Variants in ASIC2 observed in about 807,000 individuals in gnomAD.
ASIC2 encodes acid sensing ion channel subunit 2, also known as acid-sensing ion channel 2.
A neutral mutation model predicts 57.3 loss-of-function variants in ASIC2; 25 were observed. That is an observed-to-expected ratio of 0.44 (90% CI 0.32 to 0.61). The LOEUF is 0.61. Among genes scored for constraint, ASIC2 ranks in the 20% least tolerant of loss-of-function variants. The pLI is 0.06. For missense variants in ASIC2, 641 were observed against 738.1 expected (o/e 0.87, Z 1.52); for synonymous variants, 319 against 307.5 (o/e 1.04, Z -0.39).
intron 1 of ASIC2, among the ~76,000 whole-genome samples, chr17:33,615,658 C>T: frequency 6.6e-6 from 1 of 152,116 alleles, no homozygotes. Context: ...TAAGCGTGTG[C>T]CATGGTGGTT....
At chr17:33,700,388 C>T (rs1198467428) in intron 1 of ASIC2, among the ~76,000 whole-genome samples, 1 of 152,168 alleles carries the variant, frequency 6.6e-6, no homozygotes, top group Non-Finnish European at 1.5e-5. Flanking sequence ...AGATCCCTAG[C>T]TGGAATACCC....
intron 1 of ASIC2, among the ~76,000 whole-genome samples, chr17:33,551,365 C>T (rs1458305319): frequency 6.6e-6 from 1 of 152,088 alleles, no homozygotes; most frequent in Non-Finnish European, 1.5e-5. Flanking sequence ...AGGACTCATT[C>T]TAGTCCAGGG....
At chr17:33,099,303 C>T (rs1392757016) in intron 2 of ASIC2, among the ~76,000 whole-genome samples, 1 of 152,100 alleles carries the variant, frequency 6.6e-6, no homozygotes, top group Non-Finnish European at 1.5e-5. Flanking sequence ...AGTCATGAGC[C>T]ACCGCACCCA....
chr17:33,642,220 C>CCA (rs755026912), intron 1 of ASIC2, among the ~76,000 whole-genome samples: 75 of 139,170 alleles, frequency 5.4e-4, no homozygotes, highest in Middle Eastern at 3.8e-3. Context: ...CCCCCCCCCC[C>CCA]CACACACAAT....
intron 1 of ASIC2, among the ~76,000 whole-genome samples, chr17:34,083,428 G>T (rs1328673249): frequency 6.6e-6 from 1 of 151,466 alleles, no homozygotes; most frequent in Admixed American, 6.6e-5. Flanking sequence ...ATCATTGTTG[G>T]ACATTTGGGT....
chr17:33,845,991 T>C (rs1032619431), intron 1 of ASIC2, among the ~76,000 whole-genome samples: 6 of 152,210 alleles, frequency 3.9e-5, no homozygotes, highest in Non-Finnish European at 4.4e-5. Flanking sequence ...GAGGGGACTT[T>C]GGAAAATTCA....
intron 1 of ASIC2, among the ~76,000 whole-genome samples, chr17:33,262,568 T>C (rs551267983): frequency 6.6e-6 from 1 of 152,252 alleles, no homozygotes; most frequent in South Asian, 2.1e-4. Context: ...CCCACTGTAT[T>C]CTGGGCCCCA....
chr17:33,876,394 A>T (rs1914546885), intron 1 of ASIC2, among the ~76,000 whole-genome samples: 1 of 152,200 alleles, frequency 6.6e-6, no homozygotes, highest in Non-Finnish European at 1.5e-5. Context: ...ACAAAACAAG[A>T]CTTCGAAGAT....
At chr17:33,107,670 C>T (rs1014127808) in intron 2 of ASIC2, among the ~76,000 whole-genome samples, 1 of 152,230 alleles carries the variant, frequency 6.6e-6, no homozygotes, top group Non-Finnish European at 1.5e-5. Context: ...ATTGTCTACT[C>T]ACTAACCATG....
intron 1 of ASIC2, among the ~76,000 whole-genome samples, chr17:33,947,028 T>C (rs138624974): frequency 6.6e-5 from 10 of 152,188 alleles, no homozygotes; most frequent in African/African-American, 2.4e-4. Flanking sequence ...CACTGAGTAA[T>C]AGAGGAGAAC....
rs141640345 is a variant in ASIC2, at chr17:33,798,827, G to GC, written c.555+357150dup. 2.0e-5 allele frequency among the ~76,000 whole-genome samples: 3 copies of GC among 152,258 alleles called. No homozygotes were observed. In the East Asian group the frequency reaches 5.8e-4, roughly 29 times the overall value. ...GGGATCAGGGCCACCAGCAATTTCT[G>GC]CTGTTTGCAATGGTCAGGGGAAAAT... On this transcript the variant is annotated intron_variant, in intron 1 of 9. Coordinates refer to the ASIC2 transcript ENST00000359872.
In ASIC2 at chr17:34,051,875, C is replaced by CGAGAGAGAGAGA. The variant is rs763796372; in HGVS notation, c.555+104102_555+104103insTCTCTCTCTCTC. 3 of 79,752 alleles carry CGAGAGAGAGAGA rather than the reference C, an allele frequency of 3.8e-5. No individual in the cohort carries two copies. The East Asian group carries it at 1.8e-3, about 48-fold the overall frequency. 4.9% of individuals were successfully genotyped at this position (79,752 alleles called of 1,614,324 possible). A position where few individuals can be genotyped will look rare whatever the true frequency, so the allele number is the denominator to read the frequency against. On this transcript the variant is annotated intron_variant, in intron 1 of 9. Coordinates refer to the ASIC2 transcript ENST00000359872. ...CACACACACAGAGAGAGAGAGAGAG[C>CGAGAGAGAGAGA]GAGAGAGCGAGAGAGCGAGAGAGTG... is the stretch of plus-strand genomic sequence containing the variant.
intron 1 of ASIC2, among the ~76,000 whole-genome samples, chr17:34,088,363 G>T (rs528654607): frequency 6.6e-6 from 1 of 151,828 alleles, no homozygotes; most frequent in Non-Finnish European, 1.5e-5. Flanking sequence ...GCGGTTTTTC[G>T]TGAACGGCGA....
At chr17:33,828,347 G>A (rs760244850) in intron 1 of ASIC2, 21 of 152,072 alleles carry the variant, frequency 1.4e-4, no homozygotes, top group Non-Finnish European at 2.2e-4. Context: ...GGGATGAGAG[G>A]GCCATGTGAC....
chr17:33,222,082 C>G (rs1907709137), intron 1 of ASIC2, among the ~76,000 whole-genome samples: 1 of 152,070 alleles, frequency 6.6e-6, no homozygotes, highest in Non-Finnish European at 1.5e-5. Context: ...TGGCTTGATA[C>G]CTGGGATGCT....
chr17:33,874,631 G>T (rs1219786144), intron 1 of ASIC2, among the ~76,000 whole-genome samples: 1 of 152,126 alleles, frequency 6.6e-6, no homozygotes, highest in Non-Finnish European at 1.5e-5. Context: ...GCTGCTAGAT[G>T]GTAACCCCTT....
intron 1 of ASIC2, among the ~76,000 whole-genome samples, chr17:33,351,399 C>T (rs145134582): frequency 1.6e-4 from 24 of 152,312 alleles, no homozygotes; most frequent in East Asian, 1.4e-3. Flanking sequence ...TCTTCTCATG[C>T]TGCCACATTA....
chr17:33,545,546 T>A lies in ASIC2; in HGVS notation c.556-433479A>T, dbSNP rs114413888. Among the ~76,000 whole-genome samples the A allele has an allele frequency of 7.3e-3, 1,107 of 152,280 alleles. 17 individuals are homozygous for A. Among genetic ancestry groups the A allele is most frequent in the African/African-American group, 0.026 (1,064 of 41,550 alleles). On this transcript the variant is annotated intron_variant, in intron 1 of 9. Coordinates refer to the ASIC2 transcript ENST00000359872. ...AGACAAGAGAAACATCTGCTTCATTTTTGGCCACTTCTTTCTCCCCAGCCA... is the reference window on the plus strand; with the variant it reads ...AGACAAGAGAAACATCTGCTTCATTATTGGCCACTTCTTTCTCCCCAGCCA...
chr17:33,694,090 C>A (rs1391714171), intron 1 of ASIC2, among the ~76,000 whole-genome samples: 1 of 152,092 alleles, frequency 6.6e-6, no homozygotes, highest in Non-Finnish European at 1.5e-5. Context: ...GATTTTTTCC[C>A]AATGCAGTGT....
Sources: gnomAD v4.1 joint callset for allele counts (sites outside exome capture counted in the v4.1 genomes callset) on GRCh38, gnomAD v4.1.1 for gene constraint, MANE v1.5 for transcripts, NCBI Gene and HGNC (gene_info 2026-07-23, HGNC 2026-07-21) for gene names.